The following LRRD1 variants were observed in gnomAD, a reference collection of about 807,000 sequenced individuals.
LRRD1 encodes leucine rich repeats and death domain containing 1.
Under a neutral mutation model 69.5 loss-of-function variants are expected in LRRD1, and 49 were observed. That is an observed-to-expected ratio of 0.70 (90% CI 0.56 to 0.89). The LOEUF is 0.89. Among genes scored for constraint, LRRD1 ranks in the 40% least tolerant of loss-of-function variants. The probability of loss-of-function intolerance (pLI) is 0.00; values close to 1 mark genes in which losing one functional copy is unlikely to be tolerated. For synonymous variants in LRRD1, 303 were observed against 338.9 expected (o/e 0.89, Z 1.16); for missense variants, 853 against 956.0 (o/e 0.89, Z 1.42).
At chr7:92,144,628 C>CAA (rs61338977), downstream of LRRD1, among the ~76,000 whole-genome samples, 14 of 85,818 alleles carry the variant, frequency 1.6e-4, no homozygotes, top group Middle Eastern at 6.8e-3. Context: ...AACTCCATCT[C>CAA]AAAAAAAAAA....
At chr7:92,174,952 C>T (rs184158993) in intron 1 of LRRD1, among the ~76,000 whole-genome samples, 103 of 151,994 alleles carry the variant, frequency 6.8e-4, no homozygotes, top group African/African-American at 2.3e-3. Context: ...CCTGTAGTCC[C>T]AGCTACTTGG....
chr7:92,161,782 A>G (rs746793111), intron 2 of LRRD1, among the ~76,000 whole-genome samples: 4 of 152,206 alleles, frequency 2.6e-5, no homozygotes, highest in Non-Finnish European at 5.9e-5. Context: ...TGGAAGAAAA[A>G]TGAGCTGACT....
rs563246982 is a variant in LRRD1, at chr7:92,160,491, G to A, written c.1918-1288C>T. On this transcript the variant is annotated intron_variant, in intron 2 of 5. Coordinates refer to ENST00000458448, the MANE Select transcript of LRRD1 (RefSeq NM_001161528.2). The stretch of plus-strand genomic sequence containing the variant: ...CTACAAATCAGAGAACTAAAGTAAA[G>A]CTTCATGTAAAAAGTAGAACTTGAA... Among the ~76,000 whole-genome samples, 7 of 152,210 alleles carry A rather than the reference G, an allele frequency of 4.6e-5. No homozygotes were observed. The East Asian group carries it at 1.4e-3, about 29-fold the overall frequency.
intron 4 of LRRD1, chr7:92,149,959 G>A (rs1387124740): frequency 2.2e-6 from 1 of 454,634 alleles, no homozygotes; most frequent in Non-Finnish European, 4.4e-6. Flanking sequence ...CCTATTGAAG[G>A]GCATTAAGGT....
downstream of LRRD1, among the ~76,000 whole-genome samples, chr7:92,143,724 A>AG (rs544617157): frequency 1.8e-3 from 273 of 152,296 alleles, 1 homozygote; most frequent in African/African-American, 6.1e-3. Flanking sequence ...CATGCCTGCA[A>AG]GCTGAGGGAG....
rs1213380498 is a variant in LRRD1 at position 92,144,935 on chromosome 7, C to T, written c.2536G>A (p.Asp846Asn). The T allele has an allele frequency of 3.3e-6, 5 of 1,536,184 alleles. No individual in the cohort carries two copies. The highest frequency in any genetic ancestry group is 4.4e-6 in the Non-Finnish European group (5 of 1,137,898). ...AAAAGATTTAAAGCTGTTATTTTGT[C>T]CATAATTTCATATGCTCCTATCATA... ...LTMIGAYEIMDKITALNLFTR... is the reference protein window; with the variant it reads ...LTMIGAYEIMNKITALNLFTR... Residue 846 changes from aspartate (D) to asparagine (N), a missense_variant, in exon 6 of 6, where the codon GAC (aspartate) becomes AAC (asparagine). This residue lies in a region of LRRD1 where 739 missense variants were observed against 808.0 expected (regional missense o/e 0.91). Coordinates refer to ENST00000458448, the MANE Select transcript of LRRD1 (RefSeq NM_001161528.2).
At chr7:92,171,193 A>G (rs2131020393) in intron 1 of LRRD1, among the ~76,000 whole-genome samples, 1 of 152,270 alleles carries the variant, frequency 6.6e-6, no homozygotes, top group Admixed American at 6.5e-5. Flanking sequence ...GAAATATCAG[A>G]GCAGAAATAA....
chr7:92,142,567 CGTCTCACTGACTTCAA>C, downstream of LRRD1: 2 of 455,548 alleles, frequency 4.4e-6, no homozygotes, highest in Non-Finnish European at 8.8e-6. Context: ...GTGGGTTCTT[CGTCTCACTGACTTCAA>C]GTATGAAGCC....
chr7:92,145,463 A>G (rs1820298010), intron 5 of LRRD1, among the ~76,000 whole-genome samples: 1 of 136,486 alleles, frequency 7.3e-6, no homozygotes, highest in Admixed American at 7.8e-5. Flanking sequence ...TTTTTTTTAG[A>G]CAGAGTCTTG....
At chr7:92,151,150 G>A (rs1028099325) in intron 3 of LRRD1, among the ~76,000 whole-genome samples, 13 of 152,120 alleles carry the variant, frequency 8.5e-5, no homozygotes, top group African/African-American at 1.7e-4. Context: ...ATACACTTCA[G>A]ATTTTTTTGG....
Position 92,159,187 on chromosome 7 carries a change from C to T in LRRD1, c.1934G>A (p.Gly645Glu), listed in dbSNP as rs918145796. Reference sequence around the variant, plus strand: ...AAGTTGAGTCATATTAGATAGCTCTCCTGGAAGTCTTGTTAGCTGTAACAA... The same window carrying T: ...AAGTTGAGTCATATTAGATAGCTCTTCTGGAAGTCTTGTTAGCTGTAACAA... ...IKGRKLTRLP[G>E]ELSNMTQLKE... The change falls in exon 3 of 6, where the codon GGA becomes GAA. Residue 645 changes from glycine (G) to glutamate (E), a missense_variant. Transcript: ENST00000458448. 2 of 1,504,724 alleles carry T rather than the reference C, an allele frequency of 1.3e-6. No individual in the cohort carries two copies. The highest frequency in any genetic ancestry group is 8.9e-7 in the Non-Finnish European group (1 of 1,129,534). 93.2% of individuals were successfully genotyped at this position (1,504,724 alleles called of 1,614,324 possible).
intron 1 of LRRD1, among the ~76,000 whole-genome samples, chr7:92,178,109 C>A (rs1789235418): frequency 6.6e-6 from 1 of 152,140 alleles, no homozygotes; most frequent in African/African-American, 2.4e-5. Flanking sequence ...ATCAGGAGAT[C>A]GAGACCATCC....
rs573396201 is a variant in LRRD1, at chr7:92,163,899, T to A, written c.1304A>T (p.Asp435Val). Residue 435 changes from aspartate (D) to valine (V), a missense_variant, in exon 2 of 6, where the codon GAC becomes GTC. This residue lies in a region of LRRD1 where 739 missense variants were observed against 808.0 expected (regional missense o/e 0.91). Transcript: ENST00000458448. ...TATGTTATTAAGATGTGAGATACAG[T>A]CAGTTATTTTTACCATATTATTTCT... The part of the protein sequence containing the change: ...VNRNNMVKIT[D>V]CISHLNNICS... 2.0e-6 allele frequency: 3 copies of A among 1,534,072 alleles called. No individual in the cohort carries two copies. In the South Asian group the frequency reaches 3.7e-5, roughly 19 times the overall value.
intron 1 of LRRD1, among the ~76,000 whole-genome samples, chr7:92,169,886 A>C (rs1789010863): frequency 6.6e-6 from 1 of 151,784 alleles, no homozygotes; most frequent in Non-Finnish European, 1.5e-5. Flanking sequence ...CCTAGGCAAC[A>C]TAGCAAGACC....
Position 92,163,636 on chromosome 7 carries a change from G to A in LRRD1, c.1567C>T (p.Leu523Phe). The change falls in exon 2 of 6, where the codon CTC becomes TTC. Residue 523 changes from leucine to phenylalanine, a missense_variant. Leu to Phe is a conservative substitution (Grantham distance 22). Around this residue, in one of 3 missense-constraint regions of LRRD1, gnomAD observed 739 missense variants for 808.0 expected, o/e 0.91. Coordinates refer to ENST00000458448, the MANE Select transcript of LRRD1 (RefSeq NM_001161528.2). ...LHLELSENKL[L>F]IFSEHFCSLI... Reference sequence around the variant, plus strand: ...GAACAAAAGTGCTCAGAAAATATGAGGAGTTTGTTTTCACTCAATTCTAAA... The same window carrying A: ...GAACAAAAGTGCTCAGAAAATATGAAGAGTTTGTTTTCACTCAATTCTAAA... The A allele has an allele frequency of 6.6e-7, 1 of 1,512,288 alleles. No individual in the cohort carries two copies. The highest frequency in any genetic ancestry group is 8.8e-7 in the Non-Finnish European group (1 of 1,133,108). The allele number at this position is 1,512,288 out of a possible 1,614,324, so 93.7% of individuals were successfully genotyped here. A position where few individuals can be genotyped will look rare whatever the true frequency, so the allele number is the denominator to read the frequency against.
In LRRD1 at chr7:92,176,584, G is replaced by A. The variant is rs541043690; in HGVS notation, c.-75+2423C>T. ...TCTCTCATTTTTTTTTTTTTTTTGAGACAAAGTCTTGCTCTGTTGCCCAGA... is the reference window on the plus strand; with the variant it reads ...TCTCTCATTTTTTTTTTTTTTTTGAAACAAAGTCTTGCTCTGTTGCCCAGA... On this transcript the variant is annotated intron_variant, in intron 1 of 5. Transcript: ENST00000458448. 2.2e-3 allele frequency among the ~76,000 whole-genome samples: 310 copies of A among 142,492 alleles called. 2 individuals are homozygous for A. The highest frequency in any genetic ancestry group is 7.7e-3 in the African/African-American group (293 of 38,086). 93.5% of individuals were successfully genotyped at this position (142,492 alleles called of 152,430 possible).
chr7:92,150,668 G>A lies in LRRD1; in HGVS notation c.2144C>T (p.Ala715Val). The A allele has an allele frequency of 1.3e-6, 2 of 1,547,184 alleles. No individual in the cohort carries two copies. Among genetic ancestry groups the A allele is most frequent in the Non-Finnish European group, 1.7e-6 (2 of 1,143,224 alleles). ...CTTCAGTGAAAAAATATTGTAGATA[G>A]CACTAGGTAGAGCTGTCAGATTATT... is the stretch of plus-strand genomic sequence containing the variant. Reference protein sequence around the residue: ...SGNNLTALPSAIYNIFSLKEI... With the variant: ...SGNNLTALPSVIYNIFSLKEI... Residue 715 changes from alanine to valine, a missense_variant, in exon 4 of 6, where the codon GCT becomes GTT. This residue lies in a region of LRRD1 where 739 missense variants were observed against 808.0 expected (regional missense o/e 0.91). Transcript: ENST00000458448.
chr7:92,151,402 G>A (rs1820463222), intron 3 of LRRD1, among the ~76,000 whole-genome samples: 1 of 152,130 alleles, frequency 6.6e-6, no homozygotes, highest in African/African-American at 2.4e-5. Context: ...ATACCACAGA[G>A]GTGAAGTGCA....
chr7:92,170,144 G>A (rs1160070881), intron 1 of LRRD1, among the ~76,000 whole-genome samples: 1 of 149,124 alleles, frequency 6.7e-6, no homozygotes, highest in African/African-American at 2.5e-5. Flanking sequence ...AAGGAAGGAC[G>A]GAAGGAAGGA....
Sources: gnomAD v4.1 joint callset for allele counts (sites outside exome capture counted in the v4.1 genomes callset) on GRCh38, gnomAD v4.1.1 for gene constraint, gnomAD v4.1.1 regional missense constraint, MANE v1.5 for transcripts, NCBI Gene and HGNC (gene_info 2026-07-23, HGNC 2026-07-21) for gene names.